The following DCAF6 variants were observed in gnomAD, a reference collection of about 807,000 sequenced individuals.
DCAF6 encodes DDB1 and CUL4 associated factor 6.
A neutral mutation model predicts 125.1 loss-of-function variants in DCAF6; 54 were observed. The observed-to-expected ratio is 0.43, with a 90% CI of 0.35 to 0.54. DCAF6 has a LOEUF of 0.54. DCAF6 is among the 20% of genes least tolerant of loss of function. The pLI is 0.01. For missense variants in DCAF6, 934 were observed against 1,161.7 expected (o/e 0.80, Z 2.85); for synonymous variants, 371 against 390.4 (o/e 0.95, Z 0.58).
At position 168,045,104 on chromosome 1, in the gene DCAF6, C is replaced by G; in HGVS notation, c.2135C>G (p.Ala712Gly). 1 of 1,613,994 alleles carries G rather than the reference C, an allele frequency of 6.2e-7. No individual in the cohort carries two copies. Among genetic ancestry groups the G allele is most frequent in the Non-Finnish European group, 8.5e-7 (1 of 1,179,946 alleles). ...TNPEPQFQTE[A>G]TGPSAHEETS... ...CCTGAGCCTCAGTTCCAAACAGAAG[C>G]CACTGGGCCTTCAGCTCATGAAGAA... Residue 712 changes from alanine (A) to glycine (G), a missense_variant, in exon 16 of 22, where the codon GCC becomes GGC. Physicochemically the swap from Ala to Gly is moderately conservative, Grantham distance 60 (BLOSUM62 0). This residue lies in a region of DCAF6 where 559 missense variants were observed against 635.5 expected (regional missense o/e 0.88). Transcript: ENST00000367840.
At chr1:167,884,693 A>AT in the DCAF6 span, among the ~76,000 whole-genome samples, 1 of 118,846 alleles carries the variant, frequency 8.4e-6, no homozygotes, top group African/African-American at 3.4e-5. Flanking sequence ...CAATCATTTT[A>AT]ATTTTTTTTT....
intron 12 of DCAF6, among the ~76,000 whole-genome samples, chr1:168,030,266 T>A (rs1048626257): frequency 6.6e-6 from 1 of 152,222 alleles, no homozygotes; most frequent in Middle Eastern, 3.4e-3. Context: ...TAAGCTGAGA[T>A]CTGAAAGGTG....
At chr1:168,036,963 CAG>C (rs953493986) in intron 12 of DCAF6, among the ~76,000 whole-genome samples, 2 of 152,178 alleles carry the variant, frequency 1.3e-5, no homozygotes, top group African/African-American at 4.8e-5. Context: ...GAAGTTAAGA[CAG>C]AGGAATTGAT....
At chr1:168,029,003 T>C (rs1686702111) in intron 12 of DCAF6, among the ~76,000 whole-genome samples, 1 of 152,196 alleles carries the variant, frequency 6.6e-6, no homozygotes, top group African/African-American at 2.4e-5. Flanking sequence ...GAACTAGTTA[T>C]CACTTAGTTA....
At chr1:168,048,903 A>C (rs1689473993) in intron 16 of DCAF6, among the ~76,000 whole-genome samples, 1 of 152,252 alleles carries the variant, frequency 6.6e-6, no homozygotes, top group Admixed American at 6.5e-5. Flanking sequence ...ATAGCTTGCA[A>C]ATACCTGCTC....
chr1:167,920,450 G>A, the DCAF6 span: 2 of 1,208,734 alleles, frequency 1.7e-6, no homozygotes, highest in African/African-American at 1.5e-5. Context: ...GTGTGTGGGT[G>A]TATTTCAAAC....
chr1:168,023,037 C>T lies in DCAF6; in HGVS notation c.1599C>T (p.Asp533=), dbSNP rs371524406. The stretch of plus-strand genomic sequence containing the variant: ...AACAGCTCGGATCCATGTCACTTGA[C>T]GAGCAACAGGGTGCGTGCAACAGGA... ...VNKQLGSMSL[D]EQQDNNNEKL... Residue 533 remains aspartate, a synonymous_variant, in exon 12 of 22, where the codon GAC becomes GAT. Transcript: ENST00000367840. 1.7e-5 allele frequency: 28 copies of T among 1,614,058 alleles called. No homozygotes were observed. The highest frequency in any genetic ancestry group is 6.7e-5 in the African/African-American group (5 of 74,934).
chr1:168,009,357 T>C (rs929383369), intron 10 of DCAF6, among the ~76,000 whole-genome samples: 24 of 128,372 alleles, frequency 1.9e-4, no homozygotes, highest in African/African-American at 7.7e-4. Flanking sequence ...CTTCCTTCCT[T>C]CCTTCCTTCC....
chr1:168,005,630 C>A (rs1436938866), intron 10 of DCAF6, among the ~76,000 whole-genome samples: 1 of 152,140 alleles, frequency 6.6e-6, no homozygotes, highest in Non-Finnish European at 1.5e-5. Context: ...ATATAGCTGG[C>A]AGGCCTAAGC....
At chr1:167,919,618 A>G in the DCAF6 span, among the ~76,000 whole-genome samples, 2 of 152,346 alleles carry the variant, frequency 1.3e-5, no homozygotes, top group South Asian at 4.1e-4. Context: ...AAAGGTTTAC[A>G]TAAGAAATTA....
At chr1:167,991,172 A>G (rs544056995) in intron 5 of DCAF6, 32 bp from the exon 6 acceptor site, 4 of 1,575,802 alleles carry the variant, frequency 2.5e-6, no homozygotes, top group South Asian at 2.3e-5. Context: ...CTGTATAACT[A>G]TATGTAATTG....
intron 4 of DCAF6, among the ~76,000 whole-genome samples, chr1:167,985,842 C>T (rs1679926267): frequency 6.6e-6 from 1 of 152,142 alleles, no homozygotes; most frequent in Non-Finnish European, 1.5e-5. Flanking sequence ...ATGTACTCAG[C>T]ATCTAGAACA....
At chr1:167,971,852 TG>T (rs1416446541) in intron 3 of DCAF6, among the ~76,000 whole-genome samples, 1 of 152,098 alleles carries the variant, frequency 6.6e-6, no homozygotes, top group African/African-American at 2.4e-5. Context: ...AAGTTATTAT[TG>T]TTATTGTAAT....
At chr1:168,062,338 T>C (rs777853037) in intron 17 of DCAF6, among the ~76,000 whole-genome samples, 183 of 152,250 alleles carry the variant, frequency 1.2e-3, no homozygotes, top group Non-Finnish European at 2.2e-3. Flanking sequence ...GCCTGTTTTG[T>C]TTGCAAAAAT....
the DCAF6 span, among the ~76,000 whole-genome samples, chr1:167,873,957 C>T: frequency 6.6e-6 from 1 of 152,162 alleles, no homozygotes; most frequent in African/African-American, 2.4e-5. Context: ...GGACCCATCT[C>T]TAGAATGTGT....
the DCAF6 span, among the ~76,000 whole-genome samples, chr1:167,900,780 C>A: frequency 6.6e-6 from 1 of 152,304 alleles, no homozygotes; most frequent in African/African-American, 2.4e-5. Flanking sequence ...GATCCACCCA[C>A]CTTGGCCTCC....
intron 16 of DCAF6, among the ~76,000 whole-genome samples, chr1:168,047,314 A>T (rs992930611): frequency 6.6e-6 from 1 of 152,104 alleles, no homozygotes; most frequent in Non-Finnish European, 1.5e-5. Context: ...GCTGAACTAG[A>T]CTAGCAGAAT....
the DCAF6 span, among the ~76,000 whole-genome samples, chr1:167,864,244 G>A: frequency 2.0e-5 from 3 of 152,216 alleles, no homozygotes; most frequent in South Asian, 2.1e-4. Flanking sequence ...GTTTTGTCTC[G>A]AAGAAACATG....
chr1:167,973,438 C>T (rs1301533079), intron 3 of DCAF6, among the ~76,000 whole-genome samples: 1 of 152,158 alleles, frequency 6.6e-6, no homozygotes, highest in African/African-American at 2.4e-5. Context: ...GTCTTTCCCC[C>T]AGTGGTTTTT....
Sources: gnomAD v4.1 joint callset for allele counts (sites outside exome capture counted in the v4.1 genomes callset) on GRCh38, gnomAD v4.1.1 for gene constraint, gnomAD v4.1.1 regional missense constraint, MANE v1.5 for transcripts, NCBI Gene and HGNC (gene_info 2026-07-23, HGNC 2026-07-21) for gene names.